Variants in ATN1 observed in about 807,000 individuals in gnomAD.
ATN1 encodes the protein atrophin 1, also known as atrophin-1.
Under a neutral mutation model 85.8 loss-of-function variants are expected in ATN1, and 19 were observed. That is an observed-to-expected ratio of 0.22 (90% CI 0.15 to 0.32). ATN1 has a LOEUF of 0.32. ATN1 is among the 10% of genes least tolerant of loss of function. The pLI, the probability that ATN1 is intolerant of heterozygous loss-of-function variation, is 1.00. For synonymous variants in ATN1, 674 were observed against 657.0 expected, an observed-to-expected ratio of 1.03 and a Z score of -0.39; for missense variants, 1,453 against 1,564.5, an observed-to-expected ratio of 0.93 and a Z score of 1.20.
chr12:6,924,812 G>A (rs781875202), upstream of ATN1, among the ~76,000 whole-genome samples: 34 of 152,132 alleles, frequency 2.2e-4, no homozygotes, highest in Admixed American at 7.9e-4. Flanking sequence ...TTTCTCTGGG[G>A]TCCCTGATAC....
chr12:6,934,550 C>G lies in ATN1; in HGVS notation c.251C>G (p.Thr84Ser). The stretch of plus-strand genomic sequence containing the variant: ...ATCTCAGAGAGTGAAAGTGAGGAGA[C>G]CAATGCACCAAAAAAGACCAAAACT... ...EEISESESEE[T>S]NAPKKTKTEQ... The change falls in exon 4 of 10, where the codon ACC (threonine) becomes AGC (serine). Residue 84 changes from threonine (T) to serine (S), a missense_variant. Transcript: ENST00000396684. This position sits in a 1 kb window ranked among gnomAD's most constrained non-coding sequence, Gnocchi z 4.5. The G allele has an allele frequency of 6.4e-7, 1 of 1,568,370 alleles. No homozygotes were observed. Among genetic ancestry groups the G allele is most frequent in the Non-Finnish European group, 8.7e-7 (1 of 1,156,040 alleles).
chr12:6,936,728 A>ACAT lies in ATN1; in HGVS notation c.1463_1464insTCA (p.Gln487_Gln488insHis). On this transcript the variant is annotated inframe_insertion, in exon 5 of 10. Coordinates refer to ENST00000396684, the MANE Select transcript of ATN1 (RefSeq NM_001940.4). ...ATCACCATCACCACCAGCAACAGCA[A>ACAT]CAGCAGCAGCAGCAGCAGCAGCAGC... 6.3e-7 allele frequency: 1 copy of ACAT among 1,583,082 alleles called. No homozygotes were observed. Among genetic ancestry groups the ACAT allele is most frequent in the Non-Finnish European group, 8.6e-7 (1 of 1,165,230 alleles).
Position 6,936,136 on chromosome 12 carries a change from C to G in ATN1, c.869C>G (p.Pro290Arg). Residue 290 changes from proline to arginine, a missense_variant, in exon 5 of 10, where the codon CCA becomes CGA. This residue lies in a region of ATN1 where 990 missense variants were observed against 914.8 expected (regional missense o/e 1.08). Transcript: ENST00000396684. ...VGGGNLPSAP[P>R]PANFPHVTPN... ...GGTGGGAACCTACCTTCTGCTCCAC[C>G]ACCAGCCAACTTCCCCCATGTGACA... The G allele has an allele frequency of 2.0e-6, 3 of 1,532,210 alleles. No individual in the cohort carries two copies. The highest frequency in any genetic ancestry group is 1.3e-5 in the South Asian group (1 of 77,304). The allele number at this position is 1,532,210 out of a possible 1,614,324, so 94.9% of individuals were successfully genotyped here. A position where few individuals can be genotyped will look rare whatever the true frequency, so the allele number is the denominator to read the frequency against.
At position 6,933,861 on chromosome 12, in the gene ATN1, G is replaced by A. The variant is rs1300084949; in HGVS notation, c.-141G>A. 8 of 953,430 alleles carry A rather than the reference G, an allele frequency of 8.4e-6. No individual in the cohort carries two copies. The Admixed American group carries it at 2.0e-4, about 24-fold the overall frequency. 59.1% of individuals were successfully genotyped at this position (953,430 alleles called of 1,614,324 possible). On this transcript the variant is annotated 5_prime_UTR_variant, in exon 2 of 10. Coordinates refer to ENST00000396684, the MANE Select transcript of ATN1 (RefSeq NM_001940.4). ...ACAGGTTTCATTGAAAACAGATCCTGCAAAAGTTCCAGGTGCCCACACTGG... is the reference window on the plus strand; with the variant it reads ...ACAGGTTTCATTGAAAACAGATCCTACAAAAGTTCCAGGTGCCCACACTGG...
chr12:6,935,782 C>T lies in ATN1; in HGVS notation c.515C>T (p.Pro172Leu). 6.2e-7 allele frequency: 1 copy of T among 1,613,908 alleles called. No homozygotes were observed. The highest frequency in any genetic ancestry group is 8.5e-7 in the Non-Finnish European group (1 of 1,179,858). Residue 172 changes from proline to leucine, a missense_variant, in exon 5 of 10, where the codon CCA becomes CTA. Physicochemically the swap from Pro to Leu is moderately conservative, Grantham distance 98. Coordinates refer to ENST00000396684, the MANE Select transcript of ATN1 (RefSeq NM_001940.4). This position sits in a 1 kb window ranked among gnomAD's most constrained non-coding sequence, Gnocchi z 5.3. The stretch of plus-strand genomic sequence containing the variant: ...CTCTTTCCTCCTTCCCCTCAACCGC[C>T]AGACAGCACCCCTCGACAGCCAGAG... Reference protein sequence around the residue: ...PPLFPPSPQPPDSTPRQPEAS... With the variant: ...PPLFPPSPQPLDSTPRQPEAS...
chr12:6,940,783 G>A (rs1565569863), intron 7 of ATN1, 97 bp from the exon 8 acceptor site: 1 of 1,483,626 alleles, frequency 6.7e-7, no homozygotes, highest in Admixed American at 1.7e-5. Context: ...CCTTGTGTTT[G>A]TCTGACTCAG....
At position 6,941,598 on chromosome 12, in the gene ATN1, C is replaced by G; in HGVS notation, c.3539+44C>G. On this transcript the variant is annotated intron_variant, in intron 9 of 9. Coordinates refer to ENST00000396684, the MANE Select transcript of ATN1 (RefSeq NM_001940.4). The surrounding 1 kb of genome is among the most constrained non-coding windows in gnomAD (Gnocchi z 5.9). ...GCCCAGGGGACATGGGCTCAGCGAG[C>G]CTGGGAGGAGCTGTGGGCATGGTAC... 1.2e-6 allele frequency: 2 copies of G among 1,609,190 alleles called. No individual in the cohort carries two copies. The highest frequency in any genetic ancestry group is 1.7e-6 in the Non-Finnish European group (2 of 1,176,802).
In ATN1 at chr12:6,937,209, G is replaced by A. The variant is rs781939581; in HGVS notation, c.1942G>A (p.Ala648Thr). The A allele has an allele frequency of 1.6e-5, 26 of 1,611,254 alleles. No individual in the cohort carries two copies. Among genetic ancestry groups the A allele is most frequent in the Admixed American group, 1.3e-4 (8 of 59,986 alleles). The change falls in exon 5 of 10, where the codon GCC becomes ACC. Residue 648 changes from alanine to threonine, a missense_variant. Transcript: ENST00000396684. The surrounding 1 kb of genome is among the most constrained non-coding windows in gnomAD (Gnocchi z 6.0). ...CGGAAAGAGAGCCCCGTCCCCGGGGGCCTACAAGACAGCCACCCCACCCGG... is the reference window on the plus strand; with the variant it reads ...CGGAAAGAGAGCCCCGTCCCCGGGGACCTACAAGACAGCCACCCCACCCGG... ...PYGKRAPSPG[A>T]YKTATPPGYK...
At chr12:6,926,493 G>C (rs1172836841), upstream of ATN1, among the ~76,000 whole-genome samples, 1 of 116,826 alleles carries the variant, frequency 8.6e-6, no homozygotes, top group African/African-American at 3.4e-5. Flanking sequence ...TTTTTTTTTT[G>C]AGACGGCGTC....
chr12:6,937,229 A>C lies in ATN1; in HGVS notation c.1962A>C (p.Pro654=), dbSNP rs1555143924. Residue 654 remains proline, a synonymous_variant, in exon 5 of 10, where the codon CCA becomes CCC. Coordinates refer to ENST00000396684, the MANE Select transcript of ATN1 (RefSeq NM_001940.4). This position sits in a 1 kb window ranked among gnomAD's most constrained non-coding sequence, Gnocchi z 6.0. ...PSPGAYKTAT[P]PGYKPGSPPS... is the part of the protein sequence containing the mutation. The stretch of plus-strand genomic sequence containing the variant: ...CGGGGGCCTACAAGACAGCCACCCC[A>C]CCCGGATACAAACCCGGGTCGCCTC... The C allele has an allele frequency of 3.1e-6, 5 of 1,611,312 alleles. No homozygotes were observed. The Admixed American group carries it at 5.0e-5, about 16-fold the overall frequency.
At chr12:6,927,768 C>A (rs1422109433), upstream of ATN1, among the ~76,000 whole-genome samples, 1 of 151,770 alleles carries the variant, frequency 6.6e-6, no homozygotes, top group African/African-American at 2.4e-5. Context: ...CTTCTCCCAT[C>A]CCCCTCTCCC....
chr12:6,941,655 C>A lies in ATN1; in HGVS notation c.3540-92C>A, dbSNP rs1945636927. 5.7e-6 allele frequency: 9 copies of A among 1,584,928 alleles called. No individual in the cohort carries two copies. In the Admixed American group the frequency reaches 1.0e-4, roughly 18 times the overall value. On this transcript the variant is annotated intron_variant, in intron 9 of 9. Transcript: ENST00000396684. This position sits in a 1 kb window ranked among gnomAD's most constrained non-coding sequence, Gnocchi z 5.9. ...GCACCGTGCTCCTGGGGGAGGGAAC[C>A]CCTCCTCTCCCAACCCCTTCGGTAA...
At position 6,938,956 on chromosome 12, in the gene ATN1, T is replaced by C. The variant is rs781912203; in HGVS notation, c.2993T>C (p.Leu998Pro). 4 of 1,613,682 alleles carry C rather than the reference T, an allele frequency of 2.5e-6. No homozygotes were observed. The African/African-American group carries it at 4.0e-5, about 16-fold the overall frequency. Residue 998 changes from leucine (L) to proline (P), a missense_variant, in exon 7 of 10, where the codon CTG (leucine) becomes CCG (proline). By Grantham distance (98) the Leu-to-Pro change is moderately conservative (BLOSUM62 -3). This residue lies in a region of ATN1 where 208 missense variants were observed against 263.4 expected (regional missense o/e 0.79). Coordinates refer to ENST00000396684, the MANE Select transcript of ATN1 (RefSeq NM_001940.4). ...PFPFHPSLGP[L>P]ERERLALAAG... ...CCCTTTCATCCGAGCCTGGGGCCCC[T>C]GGAGCGAGAACGTCTAGCGCTGGCA...
At position 6,934,933 on chromosome 12, in the gene ATN1, C is replaced by T. The variant is rs781923233; in HGVS notation, c.279+355C>T. Among the ~76,000 whole-genome samples, 19 of 152,234 alleles carry T rather than the reference C, an allele frequency of 1.2e-4. No homozygotes were observed. The highest frequency in any genetic ancestry group is 4.3e-4 in the African/African-American group (18 of 41,550). On this transcript the variant is annotated intron_variant, in intron 4 of 9. Coordinates refer to ENST00000396684, the MANE Select transcript of ATN1 (RefSeq NM_001940.4). The surrounding 1 kb of genome is among the most constrained non-coding windows in gnomAD (Gnocchi z 4.5). ...TTTGAGACAGTTTCGCTCTGTCACC[C>T]AGGCTGGAGTACAGTGGCACAATCT...
In ATN1 at chr12:6,942,016, G is replaced by C; in HGVS notation, c.*236G>C. 1.8e-6 allele frequency: 1 copy of C among 571,392 alleles called. No individual in the cohort carries two copies. Among genetic ancestry groups the C allele is most frequent in the Non-Finnish European group, 3.1e-6 (1 of 319,150 alleles). The allele number at this position is 571,392 out of a possible 1,614,324, so 35.4% of individuals were successfully genotyped here. A position where few individuals can be genotyped will look rare whatever the true frequency, so the allele number is the denominator to read the frequency against. ...GGGGACAGAAAGCGCACAGAATCTTGGACCAGGTCTCTCTTCCTTGTCCCC... is the reference window on the plus strand; with the variant it reads ...GGGGACAGAAAGCGCACAGAATCTTCGACCAGGTCTCTCTTCCTTGTCCCC... On this transcript the variant is annotated 3_prime_UTR_variant, in exon 10 of 10. Coordinates refer to ENST00000396684, the MANE Select transcript of ATN1 (RefSeq NM_001940.4).
At position 6,938,084 on chromosome 12, in the gene ATN1, C is replaced by T. The variant is rs782459940; in HGVS notation, c.2517+17C>T. On this transcript the variant is annotated intron_variant, in intron 6 of 9. Transcript: ENST00000396684. ...CGCAGCGTGGTGAGTGCGTCACTGC[C>T]TGCGCCACCGCCTTCTTTCCCTCTT... is the stretch of plus-strand genomic sequence containing the variant. 2.6e-6 allele frequency: 4 copies of T among 1,533,378 alleles called. No individual in the cohort carries two copies. Among genetic ancestry groups the T allele is most frequent in the African/African-American group, 2.8e-5 (2 of 72,424 alleles). 95.0% of individuals were successfully genotyped at this position (1,533,378 alleles called of 1,614,324 possible).
chr12:6,932,072 C>G (rs1289380141), intron 1 of ATN1, among the ~76,000 whole-genome samples: 1 of 142,274 alleles, frequency 7.0e-6, no homozygotes, highest in Non-Finnish European at 1.5e-5. Flanking sequence ...GACAAGTCTA[C>G]TGGGCAGAGC....
At position 6,941,613 on chromosome 12, in the gene ATN1, GGGCATGGTAC is replaced by G; in HGVS notation, c.3539+63_3539+72del. The G allele has an allele frequency of 6.2e-7, 1 of 1,606,362 alleles. No homozygotes were observed. The highest frequency in any genetic ancestry group is 8.5e-7 in the Non-Finnish European group (1 of 1,174,078). ...GCTCAGCGAGCCTGGGAGGAGCTGT[GGGCATGGTAC>G]GGCTGGGCACCGTGCTCCTGGGGGA... On this transcript the variant is annotated intron_variant, in intron 9 of 9. Transcript: ENST00000396684. This position sits in a 1 kb window ranked among gnomAD's most constrained non-coding sequence, Gnocchi z 5.9.
Position 6,936,067 on chromosome 12 carries a change from C to A in ATN1, c.800C>A (p.Ala267Asp). The change falls in exon 5 of 10, where the codon GCT becomes GAT. Residue 267 changes from alanine (A) to aspartate (D), a missense_variant. Ala to Asp is a moderately radical substitution (Grantham distance 126). Around this residue, in one of 6 missense-constraint regions of ATN1, gnomAD observed 990 missense variants for 914.8 expected, o/e 1.08. Coordinates refer to ENST00000396684, the MANE Select transcript of ATN1 (RefSeq NM_001940.4). ...TTPISVSSSG[A>D]SGAPPTKPPT... ...CCCATTTCAGTATCAAGCTCTGGGG[C>A]TAGTGGTGCTCCCCCAACAAAGCCG... The A allele has an allele frequency of 6.5e-7, 1 of 1,544,610 alleles. No individual in the cohort carries two copies. Among genetic ancestry groups the A allele is most frequent in the Non-Finnish European group, 8.7e-7 (1 of 1,146,390 alleles).
Sources: gnomAD v4.1 joint callset for allele counts (sites outside exome capture counted in the v4.1 genomes callset) on GRCh38, gnomAD v4.1.1 for gene constraint, gnomAD v4.1.1 regional missense constraint, Gnocchi (gnomAD v3.1) non-coding constraint, MANE v1.5 for transcripts, NCBI Gene and HGNC (gene_info 2026-07-23, HGNC 2026-07-21) for gene names.